Variants in PLSCR2 observed in about 807,000 individuals in gnomAD.
PLSCR2 encodes phospholipid scramblase 2.
Under a neutral mutation model 25.3 loss-of-function variants are expected in PLSCR2, and 18 were observed. The ratio of observed to expected loss-of-function variants is 0.71; its 90% CI spans 0.49 to 1.06. The LOEUF is 1.06. PLSCR2 is among the 50% of genes least tolerant of loss of function. The pLI, the probability that PLSCR2 is intolerant of heterozygous loss-of-function variation, is 0.00. For missense variants in PLSCR2, 243 were observed against 269.5 expected (o/e 0.90, Z 0.69); for synonymous variants, 88 against 87.3 (o/e 1.01, Z -0.04).
intron 8 of PLSCR2, among the ~76,000 whole-genome samples, chr3:146,435,922 T>C (rs2039824591): frequency 6.6e-6 from 1 of 152,238 alleles, no homozygotes; most frequent in Non-Finnish European, 1.5e-5. Flanking sequence ...CATTTAAATC[T>C]TTAATCCATC....
chr3:146,440,320 A>G (rs1370887289), downstream of PLSCR2, among the ~76,000 whole-genome samples: 1 of 152,180 alleles, frequency 6.6e-6, no homozygotes. Context: ...AGGGACATTT[A>G]AGTCCACAAA....
downstream of PLSCR2, among the ~76,000 whole-genome samples, chr3:146,438,568 T>C (rs1175580705): frequency 1.3e-5 from 2 of 152,190 alleles, no homozygotes; most frequent in Non-Finnish European, 2.9e-5. Context: ...TGGTTTAAAG[T>C]CTGTTTTATC....
intron 2 of PLSCR2, among the ~76,000 whole-genome samples, chr3:146,405,747 A>G (rs1055377315): frequency 3.3e-5 from 5 of 152,344 alleles, no homozygotes; most frequent in South Asian, 4.1e-4. Flanking sequence ...GGTCTGGCCA[A>G]CCTAGTGATT....
chr3:146,393,388 T>G (rs1029668748), intron 3 of PLSCR2, among the ~76,000 whole-genome samples: 1 of 152,166 alleles, frequency 6.6e-6, no homozygotes, highest in Non-Finnish European at 1.5e-5. Context: ...GAGTGTTGTT[T>G]GCTCATATAC....
intron 1 of PLSCR2, among the ~76,000 whole-genome samples, chr3:146,483,444 C>CCAGTAGTA (rs1560054675): frequency 1.4e-4 from 6 of 43,736 alleles, no homozygotes; most frequent in African/African-American, 4.7e-4. Context: ...TATATATATA[C>CCAGTAGTA]ACATGTATGT....
intron 2 of PLSCR2, among the ~76,000 whole-genome samples, chr3:146,408,759 C>T (rs2038742425): frequency 6.6e-6 from 1 of 152,094 alleles, no homozygotes; most frequent in South Asian, 2.1e-4. Context: ...ACTCATCGGG[C>T]CCTTGGACAA....
intron 6 of PLSCR2, among the ~76,000 whole-genome samples, chr3:146,447,100 C>A (rs1175372903): frequency 6.6e-6 from 1 of 152,128 alleles, no homozygotes; most frequent in African/African-American, 2.4e-5. Context: ...GCGGGCTCCC[C>A]CCTGGCCCAG....
intron 1 of PLSCR2, among the ~76,000 whole-genome samples, chr3:146,466,319 T>C (rs1321499975): frequency 1.3e-5 from 2 of 152,184 alleles, no homozygotes; most frequent in Non-Finnish European, 1.5e-5. Context: ...TACAGGCATA[T>C]GCCCCCACAC....
intron 2 of PLSCR2, among the ~76,000 whole-genome samples, chr3:146,406,973 C>G (rs769050070): frequency 5.3e-5 from 8 of 152,044 alleles, no homozygotes; most frequent in Non-Finnish European, 7.4e-5. Context: ...GATATTTCTG[C>G]TAATTGGGCA....
chr3:146,471,860 G>T (rs550801303), intron 1 of PLSCR2, among the ~76,000 whole-genome samples: 1 of 152,106 alleles, frequency 6.6e-6, no homozygotes, highest in African/African-American at 2.4e-5. Flanking sequence ...CACCATGCCC[G>T]GCCAAGATAC....
At chr3:146,476,029 A>G (rs558490711) in intron 1 of PLSCR2, among the ~76,000 whole-genome samples, 61 of 152,076 alleles carry the variant, frequency 4.0e-4, no homozygotes, top group Non-Finnish European at 7.4e-4. Flanking sequence ...GCCTCACTCA[A>G]TTGTCATGTT....
rs997942930 is a variant in PLSCR2, at chr3:146,482,164, G to A, written c.-293+13731C>T. 2.0e-5 allele frequency among the ~76,000 whole-genome samples: 3 copies of A among 152,084 alleles called. No individual in the cohort carries two copies. In the East Asian group the frequency reaches 5.8e-4, roughly 29 times the overall value. ...GCAATACCATTCAGGACATAGGCATGGGCAAGGACTTCATGACTAAAACAC... is the reference window on the plus strand; with the variant it reads ...GCAATACCATTCAGGACATAGGCATAGGCAAGGACTTCATGACTAAAACAC... On this transcript the variant is annotated intron_variant, in intron 1 of 8. Coordinates refer to the PLSCR2 transcript ENST00000336685.
At chr3:146,410,395 G>A (rs1024110577) in intron 2 of PLSCR2, among the ~76,000 whole-genome samples, 5 of 152,138 alleles carry the variant, frequency 3.3e-5, no homozygotes, top group African/African-American at 4.8e-5. Flanking sequence ...ACCTACCACC[G>A]GTTTAGTTTA....
intron 1 of PLSCR2, among the ~76,000 whole-genome samples, chr3:146,486,631 A>T (rs549123746): frequency 6.6e-6 from 1 of 152,210 alleles, no homozygotes; most frequent in Non-Finnish European, 1.5e-5. Flanking sequence ...AAGAAGTTGA[A>T]TCCTTGAATA....
intron 2 of PLSCR2, among the ~76,000 whole-genome samples, chr3:146,421,731 C>T (rs190332652): frequency 2.5e-3 from 383 of 152,142 alleles, no homozygotes; most frequent in Non-Finnish European, 4.5e-3. Context: ...GTTTATAAGT[C>T]GTCTGCTTCT....
intron 8 of PLSCR2, among the ~76,000 whole-genome samples, chr3:146,435,840 A>C (rs1214064013): frequency 7.2e-5 from 11 of 152,098 alleles, no homozygotes; most frequent in African/African-American, 1.4e-4. Context: ...GTCATGAAGT[A>C]CTTGCCCATG....
intron 2 of PLSCR2, among the ~76,000 whole-genome samples, chr3:146,411,514 G>C (rs886270186): frequency 6.6e-6 from 1 of 152,182 alleles, no homozygotes; most frequent in African/African-American, 2.4e-5. Flanking sequence ...CTTAGGTGGC[G>C]CTCCCCCTCC....
At chr3:146,486,687 C>CG (rs1553793337) in intron 1 of PLSCR2, among the ~76,000 whole-genome samples, 1 of 149,514 alleles carries the variant, frequency 6.7e-6, no homozygotes, top group East Asian at 2.0e-4. Context: ...AATTGCCTAC[C>CG]AAAAAAAAAC....
At chr3:146,461,905 G>T, upstream of PLSCR2, 3 of 1,512,018 alleles carry the variant, frequency 2.0e-6, no homozygotes, top group Non-Finnish European at 2.7e-6. Context: ...GGAGTGCCCA[G>T]TACTGGAATT....
Sources: gnomAD v4.1 joint callset for allele counts (sites outside exome capture counted in the v4.1 genomes callset) on GRCh38, gnomAD v4.1.1 for gene constraint, MANE v1.5 for transcripts, NCBI Gene and HGNC (gene_info 2026-07-23, HGNC 2026-07-21) for gene names.